The following PDS5A variants were observed in gnomAD, a reference collection of about 807,000 sequenced individuals.
PDS5A encodes the protein sister chromatid cohesion protein PDS5 homolog A.
PDS5A carries 42 observed loss-of-function variants against 167.1 expected under a neutral mutation model. The ratio of observed to expected loss-of-function variants is 0.25; its 90% CI spans 0.20 to 0.33. The LOEUF is 0.33. Among genes scored for constraint, PDS5A ranks in the 10% least tolerant of loss-of-function variants. The probability of loss-of-function intolerance (pLI) is 1.00; values close to 1 mark genes in which losing one functional copy is unlikely to be tolerated. For missense variants in PDS5A, 1,033 were observed against 1,605.9 expected (o/e 0.64, Z 6.10); for synonymous variants, 553 against 554.6 (o/e 1.00, Z 0.04).
chr4:39,839,534 A>G (rs929664206), intron 31 of PDS5A, among the ~76,000 whole-genome samples: 17 of 152,018 alleles, frequency 1.1e-4, no homozygotes, highest in Non-Finnish European at 2.1e-4. Flanking sequence ...GCGCCACTGC[A>G]CTTTAGCCTG....
chr4:39,862,113 T>G (rs1283870248), intron 26 of PDS5A, 106 bp downstream of exon 26: 1 of 452,476 alleles, frequency 2.2e-6, no homozygotes, highest in African/African-American at 2.0e-5. Context: ...CATAAGGAGA[T>G]TCTAATTCTA....
intron 1 of PDS5A, 146 bp from the exon 2 acceptor site, chr4:39,976,763 G>C: frequency 2.1e-6 from 1 of 477,520 alleles, no homozygotes; most frequent in South Asian, 3.8e-5. Flanking sequence ...TCTTTCCCAG[G>C]GATCGAACCC....
At chr4:39,871,731 C>T (rs1194322504) in intron 21 of PDS5A, among the ~76,000 whole-genome samples, 3 of 152,126 alleles carry the variant, frequency 2.0e-5, no homozygotes, top group Admixed American at 6.6e-5. Context: ...TTGAGACAGT[C>T]TTGCTCTTGT....
intron 25 of PDS5A, 104 bp from the exon 26 acceptor site, chr4:39,862,437 G>A: frequency 3.7e-6 from 2 of 544,936 alleles, no homozygotes; most frequent in Non-Finnish European, 6.6e-6. Flanking sequence ...TTCTAAATTA[G>A]GCACAACATG....
intron 32 of PDS5A, 71 bp downstream of exon 32, chr4:39,837,785 G>T: frequency 8.9e-7 from 1 of 1,126,172 alleles, no homozygotes. Flanking sequence ...TGGGGTGACT[G>T]GCACTAAGAA....
chr4:39,944,694 C>CAAAAAAAA (rs373241104), intron 2 of PDS5A, among the ~76,000 whole-genome samples: 5 of 86,110 alleles, frequency 5.8e-5, no homozygotes, highest in Admixed American at 1.3e-4. Flanking sequence ...AACTCCATCT[C>CAAAAAAAA]AAAAAAAAAA....
chr4:39,934,391 T>G (rs1726374658), intron 2 of PDS5A, among the ~76,000 whole-genome samples: 1 of 152,224 alleles, frequency 6.6e-6, no homozygotes, highest in African/African-American at 2.4e-5. Flanking sequence ...GACTCTGATT[T>G]TCTCTCAGAT....
intron 19 of PDS5A, among the ~76,000 whole-genome samples, chr4:39,875,098 C>T (rs1483013583): frequency 2.0e-5 from 3 of 152,114 alleles, no homozygotes; most frequent in Non-Finnish European, 4.4e-5. Flanking sequence ...TGAAAATTAG[C>T]ATTTCTTTCA....
intron 26 of PDS5A, among the ~76,000 whole-genome samples, chr4:39,850,023 A>G (rs2109516935): frequency 6.6e-6 from 1 of 152,160 alleles, no homozygotes; most frequent in African/African-American, 2.4e-5. Context: ...CTGTAATCCT[A>G]GCACTTTGGG....
chr4:39,828,090 G>A (rs1203624291), intron 32 of PDS5A, among the ~76,000 whole-genome samples: 1 of 152,162 alleles, frequency 6.6e-6, no homozygotes, highest in Non-Finnish European at 1.5e-5. Context: ...ACTGTTTCCT[G>A]ACCACACTGC....
chr4:39,944,734 A>T (rs936183460), intron 2 of PDS5A, among the ~76,000 whole-genome samples: 1 of 151,594 alleles, frequency 6.6e-6, no homozygotes, highest in African/African-American at 2.4e-5. Flanking sequence ...AGTTTGATAC[A>T]TGCATGGCGG....
chr4:39,847,421 G>A (rs1243266218), intron 28 of PDS5A: 2 of 152,056 alleles, frequency 1.3e-5, no homozygotes, highest in Admixed American at 1.3e-4. Flanking sequence ...TGGCCAACAT[G>A]ATGAAACCAC....
intron 9 of PDS5A, among the ~76,000 whole-genome samples, chr4:39,911,559 G>A (rs1723885302): frequency 6.6e-6 from 1 of 152,032 alleles, no homozygotes; most frequent in Non-Finnish European, 1.5e-5. Flanking sequence ...TTGGCCGGGC[G>A]CGGTGGCTCA....
Position 39,849,545 on chromosome 4 carries a change from G to T in PDS5A, c.3194C>A (p.Ser1065Tyr), listed in dbSNP as rs764479996. 9 of 1,611,134 alleles carry T rather than the reference G, an allele frequency of 5.6e-6. No individual in the cohort carries two copies. The South Asian group carries it at 9.9e-5, about 18-fold the overall frequency. Residue 1065 changes from serine to tyrosine, a missense_variant, in exon 27 of 33, where the codon TCT becomes TAT. Ser to Tyr is a moderately radical substitution (Grantham distance 144). Around this residue, in one of 4 missense-constraint regions of PDS5A, gnomAD observed 367 missense variants for 686.7 expected, o/e 0.53. Transcript: ENST00000303538. ...TTCATTTGTCTTGGATTCATCTGGA[G>T]ACTGGGCATCTCTGGTTAACTTGAT... ...ENIKLTRDAQ[S>Y]PDESKTNEKL...
chr4:39,948,316 T>C (rs1727987535), intron 2 of PDS5A, among the ~76,000 whole-genome samples: 2 of 75,424 alleles, frequency 2.7e-5, no homozygotes, highest in Admixed American at 1.2e-4. Flanking sequence ...TCAAACCTTT[T>C]TTTTTTTTTT....
intron 32 of PDS5A, among the ~76,000 whole-genome samples, chr4:39,828,766 G>A (rs1715547979): frequency 6.6e-6 from 1 of 152,212 alleles, no homozygotes; most frequent in South Asian, 2.1e-4. Context: ...ATCGACAAAA[G>A]AGCACCTATA....
chr4:39,877,021 T>C lies in PDS5A; in HGVS notation c.2125A>G (p.Ile709Val). 1.2e-6 allele frequency: 2 copies of C among 1,612,432 alleles called. No homozygotes were observed. Among genetic ancestry groups the C allele is most frequent in the Non-Finnish European group, 1.7e-6 (2 of 1,178,942 alleles). ...IQIFRNTGHK[I>V]ETDLPQIRST... Reference sequence around the variant, plus strand: ...CGTATCTGGGGAAGGTCTGTTTCTATTTTGTGACCTGTATTTCTAAAAATT... The same window carrying C: ...CGTATCTGGGGAAGGTCTGTTTCTACTTTGTGACCTGTATTTCTAAAAATT... Residue 709 changes from isoleucine (I) to valine (V), a missense_variant, in exon 19 of 33, where the codon ATA becomes GTA. By Grantham distance (29) the Ile-to-Val change is conservative. Around this residue, in one of 4 missense-constraint regions of PDS5A, gnomAD observed 367 missense variants for 686.7 expected, o/e 0.53. Transcript: ENST00000303538.
intron 7 of PDS5A, among the ~76,000 whole-genome samples, chr4:39,919,427 C>T (rs905672518): frequency 1.3e-5 from 2 of 152,098 alleles, no homozygotes; most frequent in South Asian, 2.1e-4. Flanking sequence ...AGGCAGATCA[C>T]GAGGTCAGGA....
chr4:39,970,474 C>G (rs1252249157), intron 2 of PDS5A, among the ~76,000 whole-genome samples: 1 of 150,716 alleles, frequency 6.6e-6, no homozygotes, highest in Admixed American at 6.6e-5. Context: ...CTTTTTCTCC[C>G]TACAAAAGAC....
Sources: gnomAD v4.1 joint callset for allele counts (sites outside exome capture counted in the v4.1 genomes callset) on GRCh38, gnomAD v4.1.1 for gene constraint, gnomAD v4.1.1 regional missense constraint, MANE v1.5 for transcripts, NCBI Gene and HGNC (gene_info 2026-07-23, HGNC 2026-07-21) for gene names.